The following CSMD3 variants were observed in gnomAD, a reference collection of about 807,000 sequenced individuals.
CSMD3 encodes CUB and Sushi multiple domains 3.
A neutral mutation model predicts 435.2 loss-of-function variants in CSMD3; 177 were observed. The ratio of observed to expected loss-of-function variants is 0.41; its 90% CI spans 0.36 to 0.46. The LOEUF (loss-of-function observed/expected upper bound fraction) is 0.46. Ranked by LOEUF, CSMD3 falls within the 20% of genes least tolerant of loss-of-function variation. CSMD3 has a pLI of 0.34. For missense variants in CSMD3, 4,265 were observed against 4,504.6 expected (o/e 0.95, Z 1.52); for synonymous variants, 1,656 against 1,520.5 (o/e 1.09, Z -2.07).
chr8:112,856,913 G>GCAAATACTTCTAA (rs2080677772), intron 11 of CSMD3, among the ~76,000 whole-genome samples: 1 of 151,752 alleles, frequency 6.6e-6, no homozygotes, highest in Non-Finnish European at 1.5e-5. Context: ...ATCTAAGAAA[G>GCAAATACTTCTAA]CAAATACTTC....
intron 13 of CSMD3, among the ~76,000 whole-genome samples, chr8:112,732,014 A>C (rs2077085913): frequency 6.6e-6 from 1 of 152,062 alleles, no homozygotes; most frequent in Non-Finnish European, 1.5e-5. Flanking sequence ...AGCGCATGAA[A>C]GGTCTAGTCG....
At chr8:113,004,905 G>A (rs148930814) in intron 6 of CSMD3, among the ~76,000 whole-genome samples, 17 of 151,596 alleles carry the variant, frequency 1.1e-4, no homozygotes, top group Middle Eastern at 6.8e-3. Context: ...TAATTTGTGC[G>A]CTGCTTGTAT....
intron 5 of CSMD3, among the ~76,000 whole-genome samples, chr8:113,033,114 A>ATTTCAGCTCTCATG (rs2087190277): frequency 6.6e-6 from 1 of 151,468 alleles, no homozygotes; most frequent in Non-Finnish European, 1.5e-5. Flanking sequence ...CTCATGAAGA[A>ATTTCAGCTCTCATG]CCTCTACTAG....
chr8:112,971,925 G>C (rs1163948752), intron 7 of CSMD3, among the ~76,000 whole-genome samples: 1 of 151,854 alleles, frequency 6.6e-6, no homozygotes, highest in East Asian at 1.9e-4. Flanking sequence ...TAATTGGAAT[G>C]GTACCCTATA....
intron 50 of CSMD3, among the ~76,000 whole-genome samples, chr8:112,308,699 G>T (rs1262980390): frequency 6.6e-6 from 1 of 151,930 alleles, no homozygotes; most frequent in Admixed American, 6.6e-5. Flanking sequence ...TTTTTGAGGG[G>T]GGGATCAATA....
intron 22 of CSMD3, among the ~76,000 whole-genome samples, chr8:112,626,361 G>T (rs1834474707): frequency 6.6e-6 from 1 of 151,854 alleles, no homozygotes; most frequent in Non-Finnish European, 1.5e-5. Flanking sequence ...CAAAGCCCTA[G>T]GTACATTTGA....
Position 113,086,305 on chromosome 8 carries a change from T to C in CSMD3, c.917+12451A>G, listed in dbSNP as rs558287596. On this transcript the variant is annotated intron_variant, in intron 5 of 70. Transcript: ENST00000297405. ...ATCAAAAATTCCTGATAACGCCCCA[T>C]CCTGTAATGTTCCATCAATCAATCT... Among the ~76,000 whole-genome samples the C allele has an allele frequency of 2.7e-5, 4 of 150,856 alleles. No individual in the cohort carries two copies. In the East Asian group the frequency reaches 7.8e-4, roughly 29 times the overall value.
intron 4 of CSMD3, among the ~76,000 whole-genome samples, chr8:113,115,667 C>T (rs1564332500): frequency 6.6e-6 from 1 of 152,120 alleles, no homozygotes; most frequent in African/African-American, 2.4e-5. Flanking sequence ...GTACGTGTCA[C>T]TAATTTAACT....
intron 38 of CSMD3, among the ~76,000 whole-genome samples, chr8:112,356,193 A>G (rs181822304): frequency 6.6e-6 from 1 of 152,132 alleles, no homozygotes; most frequent in African/African-American, 2.4e-5. Context: ...GAATCAAAGG[A>G]AAAAAAATCA....
rs541540431 is a variant in CSMD3 at position 112,514,047 on chromosome 8, T to A, written c.4756+2987A>T. The stretch of plus-strand genomic sequence containing the variant: ...TAAGATTCTCTAAAATGATTTTTAT[T>A]CTATTACTTAAATTATTGTTTTTCT... On this transcript the variant is annotated intron_variant, in intron 28 of 70. Coordinates refer to ENST00000297405, the MANE Select transcript of CSMD3 (RefSeq NM_198123.2). Among the ~76,000 whole-genome samples, 496 of 152,206 alleles carry A rather than the reference T, an allele frequency of 3.3e-3. 9 individuals carry two copies. Among genetic ancestry groups the A allele is most frequent in the Non-Finnish European group, 1.5e-3 (104 of 68,004 alleles).
Position 112,301,775 on chromosome 8 carries a change from C to T in CSMD3, c.8440+18G>A. The T allele has an allele frequency of 6.2e-7, 1 of 1,609,522 alleles. No individual in the cohort carries two copies. The highest frequency in any genetic ancestry group is 1.1e-5 in the South Asian group (1 of 90,952). ...GGGGCAGGGGGAAGTTTGACAAAAA[C>T]AAATTAAAAATCTGTACCTAGGCAT... On this transcript the variant is annotated intron_variant, in intron 53 of 70. Transcript: ENST00000297405.
chr8:113,156,732 CTAAA>C (rs34302914), intron 4 of CSMD3, among the ~76,000 whole-genome samples: 17,517 of 105,494 alleles, frequency 0.17, 1,405 homozygotes, highest in East Asian at 0.39. Context: ...AAAATCTCAC[CTAAA>C]TAAATAAATA....
chr8:112,580,302 T>C (rs1041583829), intron 23 of CSMD3, among the ~76,000 whole-genome samples: 1 of 151,908 alleles, frequency 6.6e-6, no homozygotes, highest in Admixed American at 6.6e-5. Flanking sequence ...TATGCCACTT[T>C]GAAAAAAATA....
At chr8:112,422,534 A>T (rs923903524) in intron 32 of CSMD3, among the ~76,000 whole-genome samples, 5 of 152,204 alleles carry the variant, frequency 3.3e-5, no homozygotes, top group African/African-American at 1.2e-4. Flanking sequence ...AGATTTGACA[A>T]GCTTTGCTAC....
At chr8:113,376,725 C>G in intron 1 of CSMD3, 1 of 1,613,824 alleles carries the variant, frequency 6.2e-7, no homozygotes, top group Non-Finnish European at 8.5e-7. Context: ...AGCCTAAGAG[C>G]CAGGATATCT....
chr8:113,414,745 G>A (rs2094574619), intron 1 of CSMD3, among the ~76,000 whole-genome samples: 1 of 150,720 alleles, frequency 6.6e-6, no homozygotes, highest in Admixed American at 6.6e-5. Flanking sequence ...TGGACAGCTT[G>A]AGCTCAGGCA....
chr8:113,075,884 C>A (rs561628515), intron 5 of CSMD3, among the ~76,000 whole-genome samples: 102 of 151,762 alleles, frequency 6.7e-4, no homozygotes, highest in African/African-American at 2.4e-3. Flanking sequence ...TAAAAATATT[C>A]TATTGGCAAC....
intron 32 of CSMD3, among the ~76,000 whole-genome samples, chr8:112,410,661 T>TAC (rs1832314584): frequency 1.7e-5 from 2 of 118,156 alleles, no homozygotes; most frequent in African/African-American, 6.0e-5. Context: ...TGTATATATA[T>TAC]GTATATATAT....
chr8:112,469,160 CAAAAAAAAAAA>C (rs71309771), intron 32 of CSMD3, among the ~76,000 whole-genome samples: 1 of 91,644 alleles, frequency 1.1e-5, no homozygotes. Flanking sequence ...CTACACCAGG[CAAAAAAAAAAA>C]AAAAAAAAAA....
Sources: gnomAD v4.1 joint callset for allele counts (sites outside exome capture counted in the v4.1 genomes callset) on GRCh38, gnomAD v4.1.1 for gene constraint, MANE v1.5 for transcripts, NCBI Gene and HGNC (gene_info 2026-07-23, HGNC 2026-07-21) for gene names.